The following MAST4 variants were observed in gnomAD, a reference collection of about 807,000 sequenced individuals.
The protein encoded by MAST4 is microtubule-associated serine/threonine-protein kinase 4.
In MAST4, 89 loss-of-function variants were observed where a neutral mutation model predicts 162.7. That is an observed-to-expected ratio of 0.55 (90% CI 0.46 to 0.65). The LOEUF is 0.65. MAST4 is among the 30% of genes least tolerant of loss of function. The probability of loss-of-function intolerance (pLI) is 0.00; values close to 1 mark genes in which losing one functional copy is unlikely to be tolerated. For missense variants in MAST4, 3,153 were observed against 3,374.0 expected (o/e 0.93, Z 1.62); for synonymous variants, 1,479 against 1,361.1 (o/e 1.09, Z -1.91).
At chr5:66,716,164 G>A (rs1171497552) in intron 1 of MAST4, among the ~76,000 whole-genome samples, 3 of 152,120 alleles carry the variant, frequency 2.0e-5, no homozygotes, top group Non-Finnish European at 2.9e-5. Flanking sequence ...ATAAAAATTT[G>A]AGCGTAAAAG....
At chr5:66,970,880 T>G (rs1581058340) in intron 4 of MAST4, among the ~76,000 whole-genome samples, 1 of 152,178 alleles carries the variant, frequency 6.6e-6, no homozygotes, top group African/African-American at 2.4e-5. Flanking sequence ...CCCACACATC[T>G]CAGTTTGCCC....
At chr5:66,770,028 G>A (rs1023066793) in intron 2 of MAST4, among the ~76,000 whole-genome samples, 5 of 152,144 alleles carry the variant, frequency 3.3e-5, no homozygotes, top group Non-Finnish European at 2.9e-5. Context: ...CTCTTGAGTC[G>A]GTCTAGTGTG....
intron 1 of MAST4, among the ~76,000 whole-genome samples, chr5:66,739,638 C>T (rs1752368812): frequency 1.3e-5 from 2 of 152,146 alleles, no homozygotes; most frequent in African/African-American, 4.8e-5. Flanking sequence ...ATTCCTGTGA[C>T]ACGTATACCG....
At chr5:67,061,158 C>CTGTG (rs10538886) in intron 5 of MAST4, among the ~76,000 whole-genome samples, 9,345 of 151,246 alleles carry the variant, frequency 0.062, 486 homozygotes, top group African/African-American at 0.13. Context: ...TGTATGTACT[C>CTGTG]TGTGTGTGTG....
At chr5:66,844,619 C>T (rs897933087) in intron 3 of MAST4, among the ~76,000 whole-genome samples, 5 of 152,028 alleles carry the variant, frequency 3.3e-5, no homozygotes, top group Non-Finnish European at 5.9e-5. Context: ...GGTTGTCTTC[C>T]GGGAGCTTAT....
chr5:67,021,374 C>G (rs545765365), intron 4 of MAST4, among the ~76,000 whole-genome samples: 1 of 152,164 alleles, frequency 6.6e-6, no homozygotes, highest in African/African-American at 2.4e-5. Context: ...CCCAATTTAG[C>G]TTAGATTATT....
intron 4 of MAST4, among the ~76,000 whole-genome samples, chr5:66,992,220 A>T (rs1285143923): frequency 6.6e-6 from 1 of 152,202 alleles, no homozygotes; most frequent in African/African-American, 2.4e-5. Flanking sequence ...GCTGCTATAT[A>T]ATCTTCATAA....
chr5:67,093,857 TCTTA>T (rs1387071461), intron 6 of MAST4, among the ~76,000 whole-genome samples: 5 of 152,212 alleles, frequency 3.3e-5, no homozygotes, highest in Non-Finnish European at 5.9e-5. Context: ...CATATCCTTT[TCTTA>T]CTTTATCAAA....
chr5:67,085,276 A>G (rs569630634), intron 5 of MAST4, among the ~76,000 whole-genome samples: 6 of 152,172 alleles, frequency 3.9e-5, no homozygotes, highest in Admixed American at 6.5e-5. Flanking sequence ...GCCAAAACAT[A>G]ACAGCTCTTC....
intron 1 of MAST4, among the ~76,000 whole-genome samples, chr5:66,677,970 G>A (rs185111001): frequency 1.6e-3 from 244 of 152,228 alleles, no homozygotes; most frequent in Non-Finnish European, 2.2e-3. Flanking sequence ...CAGTGGGACC[G>A]GGCATATCTG....
At chr5:66,784,707 C>G (rs1755030772) in intron 2 of MAST4, among the ~76,000 whole-genome samples, 1 of 152,082 alleles carries the variant, frequency 6.6e-6, no homozygotes, top group African/African-American at 2.4e-5. Context: ...GTGTTTTATT[C>G]TGTTGCTGTG....
At chr5:66,747,482 T>A (rs1437095148) in intron 1 of MAST4, among the ~76,000 whole-genome samples, 2 of 152,200 alleles carry the variant, frequency 1.3e-5, no homozygotes, top group Non-Finnish European at 2.9e-5. Flanking sequence ...GGACATTCAT[T>A]GAGAAAGTGA....
chr5:66,898,501 G>T (rs1386509953), intron 3 of MAST4, among the ~76,000 whole-genome samples: 1 of 152,118 alleles, frequency 6.6e-6, no homozygotes, highest in Non-Finnish European at 1.5e-5. Context: ...CTTGTCATTA[G>T]AGGTTTTAGT....
At chr5:67,135,718 A>G (rs1198631172) in intron 18 of MAST4, among the ~76,000 whole-genome samples, 1 of 152,234 alleles carries the variant, frequency 6.6e-6, no homozygotes, top group East Asian at 1.9e-4. Flanking sequence ...AAAGGGAATC[A>G]ACTGTTTAAT....
chr5:67,096,390 T>G (rs1263244575), intron 7 of MAST4, among the ~76,000 whole-genome samples: 1 of 152,110 alleles, frequency 6.6e-6, no homozygotes, highest in Non-Finnish European at 1.5e-5. Context: ...AACAAGGTGG[T>G]CATTTAGAAG....
chr5:66,958,135 A>T (rs1031571520), intron 4 of MAST4, among the ~76,000 whole-genome samples: 1 of 150,610 alleles, frequency 6.6e-6, no homozygotes, highest in Admixed American at 6.6e-5. Flanking sequence ...GTGTGTGTGT[A>T]TGTGTGAAAG....
chr5:66,869,860 A>G (rs1276598051), intron 3 of MAST4, among the ~76,000 whole-genome samples: 1 of 152,020 alleles, frequency 6.6e-6, no homozygotes, highest in Non-Finnish European at 1.5e-5. Context: ...TTGTGAGACC[A>G]TCTCTCGGTT....
intron 4 of MAST4, chr5:66,902,612 C>G (rs1320764000): frequency 2.3e-6 from 1 of 430,402 alleles, no homozygotes; most frequent in Admixed American, 2.9e-5. Context: ...TGAGAACTAA[C>G]TTGAAGACTC....
At chr5:67,042,255 C>A (rs538688317) in intron 4 of MAST4, among the ~76,000 whole-genome samples, 1 of 152,114 alleles carries the variant, frequency 6.6e-6, no homozygotes, top group African/African-American at 2.4e-5. Context: ...CAAGTCACTT[C>A]GTTGTCTTCC....
Sources: gnomAD v4.1 joint callset for allele counts (sites outside exome capture counted in the v4.1 genomes callset) on GRCh38, gnomAD v4.1.1 for gene constraint, MANE v1.5 for transcripts, NCBI Gene and HGNC (gene_info 2026-07-23, HGNC 2026-07-21) for gene names.